DYNC1I1: variants seen among roughly 807,000 people sequenced by gnomAD.
DYNC1I1 encodes cytoplasmic dynein 1 intermediate chain 1.
DYNC1I1 carries 43 observed loss-of-function variants against 86.6 expected under a neutral mutation model. The ratio of observed to expected loss-of-function variants is 0.50; its 90% confidence interval spans 0.39 to 0.64. DYNC1I1 has a LOEUF of 0.64. DYNC1I1 is among the 30% of genes least tolerant of loss of function. DYNC1I1 has a pLI of 0.00. For synonymous variants in DYNC1I1, 262 were observed against 283.7 expected (o/e 0.92, Z 0.77); for missense variants, 604 against 788.8 (o/e 0.77, Z 2.81).
chr7:95,821,447 T>C (rs980265451), intron 4 of DYNC1I1, among the ~76,000 whole-genome samples: 1 of 151,998 alleles, frequency 6.6e-6, no homozygotes, highest in African/African-American at 2.4e-5. Flanking sequence ...AGAATCCTGG[T>C]TGGAGAATGC....
intron 1 of DYNC1I1, among the ~76,000 whole-genome samples, chr7:95,783,058 C>T: frequency 6.6e-6 from 1 of 152,136 alleles, no homozygotes; most frequent in East Asian, 1.9e-4. Context: ...GACATTTGGG[C>T]ATGAAAACAG....
chr7:95,911,371 C>T (rs749110515), intron 6 of DYNC1I1, among the ~76,000 whole-genome samples: 3 of 151,988 alleles, frequency 2.0e-5, no homozygotes, highest in Non-Finnish European at 4.4e-5. Context: ...GGAGTGGGGC[C>T]GGTGGAGAGA....
intron 6 of DYNC1I1, among the ~76,000 whole-genome samples, chr7:95,904,575 G>A (rs1242621109): frequency 1.3e-5 from 2 of 151,870 alleles, no homozygotes; most frequent in African/African-American, 4.8e-5. Context: ...GTATTGGGGA[G>A]ATTTTACATA....
intron 16 of DYNC1I1, among the ~76,000 whole-genome samples, chr7:96,092,468 T>G (rs1222574262): frequency 6.6e-6 from 1 of 152,106 alleles, no homozygotes; most frequent in Non-Finnish European, 1.5e-5. Flanking sequence ...ACACAGCAAG[T>G]TAATGGCAAA....
chr7:95,799,374 G>A (rs2115765852), intron 1 of DYNC1I1, among the ~76,000 whole-genome samples: 1 of 152,114 alleles, frequency 6.6e-6, no homozygotes, highest in East Asian at 1.9e-4. Flanking sequence ...GCAAGACTCT[G>A]TCCCAGAAAA....
downstream of DYNC1I1, among the ~76,000 whole-genome samples, chr7:96,100,650 T>TGTGTGTGTGTGTGTG (rs1791119550): frequency 2.8e-5 from 4 of 142,848 alleles, no homozygotes; most frequent in Non-Finnish European, 6.1e-5. Flanking sequence ...TTTGAGGGTT[T>TGTGTGTGTGTGTGTG]TGTGTGTGTG....
chr7:95,972,628 C>T (rs1008304439), intron 6 of DYNC1I1, among the ~76,000 whole-genome samples: 11 of 152,022 alleles, frequency 7.2e-5, no homozygotes, highest in Admixed American at 2.6e-4. Context: ...TTCCACTGCA[C>T]TCCCCTTCAA....
chr7:95,855,596 T>A (rs965418647), intron 5 of DYNC1I1, among the ~76,000 whole-genome samples: 1 of 152,228 alleles, frequency 6.6e-6, no homozygotes, highest in African/African-American at 2.4e-5. Context: ...CATCATAGAA[T>A]GTACTTACAC....
At chr7:95,980,540 T>A in intron 7 of DYNC1I1, among the ~76,000 whole-genome samples, 1 of 144,894 alleles carries the variant, frequency 6.9e-6, no homozygotes, top group Admixed American at 7.2e-5. Flanking sequence ...ATCTGGCTTT[T>A]TTTTTTTTTT....
At chr7:95,816,668 T>C (rs1461838402) in intron 4 of DYNC1I1, among the ~76,000 whole-genome samples, 1 of 152,196 alleles carries the variant, frequency 6.6e-6, no homozygotes, top group Non-Finnish European at 1.5e-5. Flanking sequence ...ATCTTTGATA[T>C]ACTGTATGCA....
chr7:95,856,776 C>A (rs1226138343), intron 5 of DYNC1I1, among the ~76,000 whole-genome samples: 1 of 151,978 alleles, frequency 6.6e-6, no homozygotes, highest in Non-Finnish European at 1.5e-5. Context: ...GTCAGAAGTT[C>A]AAGACCAGTC....
At position 95,850,008 on chromosome 7, in the gene DYNC1I1, G is replaced by A. The variant is rs117819461; in HGVS notation, c.375-19875G>A. ...AATTGTTTTCTTGATTTTTTACTCA[G>A]TTCACTGTTAGTGTGTAGAAATGCT... On this transcript the variant is annotated intron_variant, in intron 5 of 16. Transcript: ENST00000447467. Among the ~76,000 whole-genome samples the A allele has an allele frequency of 6.3e-3, 966 of 152,134 alleles. 19 individuals are homozygous for A. The highest frequency in any genetic ancestry group is 0.029 in the East Asian group (150 of 5,166).
intron 4 of DYNC1I1, among the ~76,000 whole-genome samples, chr7:95,822,800 G>T (rs141652616): frequency 6.6e-6 from 1 of 152,172 alleles, no homozygotes; most frequent in African/African-American, 2.4e-5. Flanking sequence ...GTTCCCCAGC[G>T]GGGAATACTG....
rs544006424 is a variant in DYNC1I1 at position 95,903,209 on chromosome 7, G to A, written c.490+33211G>A. ...AGTTAGTATTTTAGTAGTAAGTACC[G>A]TATATTGAAGGTGGGAAATAAGAAC... On this transcript the variant is annotated intron_variant, in intron 6 of 16. Transcript: ENST00000447467. Among the ~76,000 whole-genome samples the A allele has an allele frequency of 1.3e-4, 20 of 152,278 alleles. No homozygotes were observed. The South Asian group carries it at 1.9e-3, about 14-fold the overall frequency.
chr7:96,076,801 GATTTTAAC>G (rs1790354656), intron 15 of DYNC1I1, among the ~76,000 whole-genome samples: 1 of 152,038 alleles, frequency 6.6e-6, no homozygotes, highest in Admixed American at 6.6e-5. Context: ...TTTAAAAATA[GATTTTAAC>G]ATGTCACATT....
At chr7:96,080,979 AGAACCACTT>A (rs1322772091) in intron 16 of DYNC1I1, among the ~76,000 whole-genome samples, 1 of 151,724 alleles carries the variant, frequency 6.6e-6, no homozygotes, top group Non-Finnish European at 1.5e-5. Context: ...CTGAGGCAGG[AGAACCACTT>A]GAATCTGGGA....
intron 6 of DYNC1I1, among the ~76,000 whole-genome samples, chr7:95,918,092 C>T (rs1791514499): frequency 6.6e-6 from 1 of 152,200 alleles, no homozygotes; most frequent in South Asian, 2.1e-4. Context: ...GAAGCTGAGG[C>T]TTGCTGGGTG....
chr7:95,777,830 T>G (rs1305398642), intron 1 of DYNC1I1, among the ~76,000 whole-genome samples: 1 of 152,194 alleles, frequency 6.6e-6, no homozygotes. Context: ...TTTAACTCAG[T>G]GCTCTTCCAA....
intron 1 of DYNC1I1, chr7:95,804,506 G>A: frequency 1.2e-6 from 1 of 842,194 alleles, no homozygotes; most frequent in Non-Finnish European, 1.7e-6. Flanking sequence ...AGATATTTAT[G>A]TATATATACC....
Sources: gnomAD v4.1 joint callset for allele counts (sites outside exome capture counted in the v4.1 genomes callset) on GRCh38, gnomAD v4.1.1 for gene constraint, MANE v1.5 for transcripts, NCBI Gene and HGNC (gene_info 2026-07-23, HGNC 2026-07-21) for gene names.